Variants in ADAMTS19 observed in about 807,000 individuals in gnomAD.
The protein encoded by ADAMTS19 is ADAM metallopeptidase with thrombospondin type 1 motif 19.
ADAMTS19 carries 93 observed loss-of-function variants against 153.3 expected under a neutral mutation model. That is an observed-to-expected ratio of 0.61 (90% confidence interval 0.51 to 0.72). The LOEUF (loss-of-function observed/expected upper bound fraction) is 0.72. Among genes scored for constraint, ADAMTS19 ranks in the 30% least tolerant of loss-of-function variants. The pLI, the probability that ADAMTS19 is intolerant of heterozygous loss-of-function variation, is 0.00. For synonymous variants in ADAMTS19, 600 were observed against 556.6 expected (o/e 1.08, Z -1.10); for missense variants, 1,482 against 1,552.1 (o/e 0.95, Z 0.76).
chr5:129,545,323 A>G (rs1271502932), intron 6 of ADAMTS19, among the ~76,000 whole-genome samples: 1 of 152,160 alleles, frequency 6.6e-6, no homozygotes, highest in Non-Finnish European at 1.5e-5. Flanking sequence ...TGAAGAGAGC[A>G]TTAGTGGATT....
intron 6 of ADAMTS19, among the ~76,000 whole-genome samples, chr5:129,535,958 C>T (rs1367178742): frequency 6.6e-6 from 1 of 151,998 alleles, no homozygotes; most frequent in African/African-American, 2.4e-5. Flanking sequence ...CCATAAAAAC[C>T]CTAGAAGAAC....
rs149556653 is a variant in ADAMTS19 at position 129,654,971 on chromosome 5, T to C, written c.2304+538T>C. 2.3e-3 allele frequency among the ~76,000 whole-genome samples: 350 copies of C among 152,332 alleles called. 2 individuals are homozygous for C. Among genetic ancestry groups the C allele is most frequent in the African/African-American group, 7.7e-3 (321 of 41,570 alleles). On this transcript the variant is annotated intron_variant, in intron 14 of 22. Transcript: ENST00000274487. ...TATGCATGTATGTGCTTTTCATCTA[T>C]GTTTAGAAAAAGTAGAATTCCTGTT...
chr5:129,705,900 T>G (rs1204821991), intron 21 of ADAMTS19, among the ~76,000 whole-genome samples: 1 of 152,230 alleles, frequency 6.6e-6, no homozygotes, highest in Non-Finnish European at 1.5e-5. Flanking sequence ...TGTTTCCATA[T>G]GAGTCAAATA....
intron 18 of ADAMTS19, among the ~76,000 whole-genome samples, chr5:129,684,744 C>A (rs540196021): frequency 1.3e-5 from 2 of 151,828 alleles, no homozygotes; most frequent in East Asian, 3.9e-4. Flanking sequence ...TCCCAGCACT[C>A]TGGGAGGCCG....
chr5:129,668,637 G>A (rs1754159876), intron 16 of ADAMTS19, among the ~76,000 whole-genome samples: 1 of 151,970 alleles, frequency 6.6e-6, no homozygotes, highest in African/African-American at 2.4e-5. Flanking sequence ...GTGGGGTTAG[G>A]ATTTCAACAT....
At chr5:129,729,870 T>C (rs2127216984) in intron 21 of ADAMTS19, among the ~76,000 whole-genome samples, 1 of 152,212 alleles carries the variant, frequency 6.6e-6, no homozygotes, top group Non-Finnish European at 1.5e-5. Context: ...TGACTAAAAG[T>C]GTCAGGAATA....
At chr5:129,615,461 CTATTT>C (rs746218919) in intron 8 of ADAMTS19, among the ~76,000 whole-genome samples, 2 of 151,940 alleles carry the variant, frequency 1.3e-5, no homozygotes, top group Non-Finnish European at 2.9e-5. Context: ...TCTAAATATT[CTATTT>C]TAATTCGTTG....
chr5:129,548,987 G>A (rs1469224369), intron 6 of ADAMTS19, among the ~76,000 whole-genome samples: 1 of 135,996 alleles, frequency 7.4e-6, no homozygotes, highest in Admixed American at 8.2e-5. Context: ...GAGAACACAT[G>A]GACACAGGAA....
chr5:129,596,129 C>G (rs1259878645), intron 7 of ADAMTS19, among the ~76,000 whole-genome samples: 1 of 151,864 alleles, frequency 6.6e-6, no homozygotes, highest in East Asian at 1.9e-4. Context: ...AATGTAAGTT[C>G]AAGACTGCTT....
intron 2 of ADAMTS19, among the ~76,000 whole-genome samples, chr5:129,478,193 G>T (rs1488017588): frequency 6.6e-6 from 1 of 152,120 alleles, no homozygotes; most frequent in Non-Finnish European, 1.5e-5. Flanking sequence ...CTAGTTTTTA[G>T]AAATGAAATT....
intron 16 of ADAMTS19, among the ~76,000 whole-genome samples, chr5:129,670,648 A>G (rs1170764694): frequency 6.6e-6 from 1 of 152,136 alleles, no homozygotes; most frequent in Non-Finnish European, 1.5e-5. Context: ...TGTGATTTTA[A>G]AAAGTACATG....
At chr5:129,623,187 T>G (rs976331627) in intron 10 of ADAMTS19, among the ~76,000 whole-genome samples, 7 of 152,172 alleles carry the variant, frequency 4.6e-5, no homozygotes, top group Non-Finnish European at 1.5e-5. Flanking sequence ...GGTAAAGCAG[T>G]GTTTATGTAT....
chr5:129,566,674 G>T (rs1753722072), intron 7 of ADAMTS19, among the ~76,000 whole-genome samples: 1 of 152,104 alleles, frequency 6.6e-6, no homozygotes, highest in Non-Finnish European at 1.5e-5. Context: ...ACCAGGAAGG[G>T]GCCCTGATGC....
At chr5:129,717,454 A>G (rs1946107661) in intron 21 of ADAMTS19, among the ~76,000 whole-genome samples, 1 of 152,218 alleles carries the variant, frequency 6.6e-6, no homozygotes, top group Non-Finnish European at 1.5e-5. Flanking sequence ...GTTAATCAAC[A>G]TAATTTTCGT....
rs550517065 is a variant in ADAMTS19 at position 129,714,653 on chromosome 5, G to C, written c.3312+10262G>C. ...CGTAACTGAGTCCAATTGCGTTCACGTATCTCTTTCTGCACAGCACTTCTA... is the reference window on the plus strand; with the variant it reads ...CGTAACTGAGTCCAATTGCGTTCACCTATCTCTTTCTGCACAGCACTTCTA... On this transcript the variant is annotated intron_variant, in intron 21 of 22. Coordinates refer to ENST00000274487, the MANE Select transcript of ADAMTS19 (RefSeq NM_133638.6). Among the ~76,000 whole-genome samples, 215 of 152,114 alleles carry C rather than the reference G, an allele frequency of 1.4e-3. 1 individual carries two copies. The highest frequency in any genetic ancestry group is 3.4e-3 in the Middle Eastern group (1 of 294).
At chr5:129,632,199 T>A (rs894579741) in intron 10 of ADAMTS19, among the ~76,000 whole-genome samples, 5 of 152,114 alleles carry the variant, frequency 3.3e-5, no homozygotes, top group African/African-American at 1.2e-4. Flanking sequence ...TTTGCCAAAC[T>A]CATCTCTAGG....
chr5:129,494,731 C>A (rs951037425), intron 2 of ADAMTS19, among the ~76,000 whole-genome samples: 3 of 152,286 alleles, frequency 2.0e-5, no homozygotes, highest in Middle Eastern at 3.4e-3. Flanking sequence ...TCTATATTAT[C>A]GATGGCCATA....
chr5:129,622,071 A>G, intron 9 of ADAMTS19, 127 bp from the exon 10 acceptor site: 1 of 829,560 alleles, frequency 1.2e-6, no homozygotes, highest in South Asian at 1.7e-5. Flanking sequence ...AATTTCTATG[A>G]GTATTCAATG....
rs1554103336 is a variant in ADAMTS19 at position 129,658,347 on chromosome 5, A to AGAGAGAGAG, written c.2305-270_2305-269insGAGAGAGAG. Among the ~76,000 whole-genome samples, 396 of 116,064 alleles carry AGAGAGAGAG rather than the reference A, an allele frequency of 3.4e-3. 7 individuals are homozygous for AGAGAGAGAG. Among genetic ancestry groups the AGAGAGAGAG allele is most frequent in the South Asian group, 0.016 (58 of 3,584 alleles). The allele number at this position is 116,064 out of a possible 152,430, so 76.1% of individuals were successfully genotyped here. A position where few individuals can be genotyped will look rare whatever the true frequency, so the allele number is the denominator to read the frequency against. On this transcript the variant is annotated intron_variant, in intron 14 of 22. Coordinates refer to ENST00000274487, the MANE Select transcript of ADAMTS19 (RefSeq NM_133638.6). ...AAAGAAAGAAAGAAAGAAAGAAAGA[A>AGAGAGAGAG]AGAAAGAAAGAAAGAAAGAAAGAGA... is the stretch of plus-strand genomic sequence containing the variant.
Sources: gnomAD v4.1 joint callset for allele counts (sites outside exome capture counted in the v4.1 genomes callset) on GRCh38, gnomAD v4.1.1 for gene constraint, MANE v1.5 for transcripts, NCBI Gene and HGNC (gene_info 2026-07-23, HGNC 2026-07-21) for gene names.